RBPJ: variants seen among roughly 807,000 people sequenced by gnomAD.
The protein encoded by RBPJ is recombining binding protein suppressor of hairless.
In RBPJ, 9 loss-of-function variants were observed where a neutral mutation model predicts 67.8. The ratio of observed to expected loss-of-function variants is 0.13; its 90% CI spans 0.08 to 0.23. The LOEUF (loss-of-function observed/expected upper bound fraction) is 0.23. Ranked by LOEUF, RBPJ falls within the 10% of genes least tolerant of loss-of-function variation. RBPJ has a pLI of 1.00. For synonymous variants in RBPJ, 198 were observed against 203.3 expected, an observed-to-expected ratio of 0.97 and a Z score of 0.22; for missense variants, 305 against 595.6, an observed-to-expected ratio of 0.51 and a Z score of 5.08.
chr4:26,142,554 A>G, the RBPJ span, among the ~76,000 whole-genome samples: 5 of 152,232 alleles, frequency 3.3e-5, no homozygotes, highest in African/African-American at 9.6e-5. Context: ...GAAGGAATCT[A>G]AATTGCAAAG....
At chr4:26,199,529 A>C (rs1717907118) in intron 1 of RBPJ, among the ~76,000 whole-genome samples, 1 of 152,234 alleles carries the variant, frequency 6.6e-6, no homozygotes, top group African/African-American at 2.4e-5. Context: ...CTGTGGGGCA[A>C]TTCTTCGAGG....
At chr4:26,393,296 C>T (rs1029784161) in intron 2 of RBPJ, among the ~76,000 whole-genome samples, 3 of 152,102 alleles carry the variant, frequency 2.0e-5, no homozygotes, top group Admixed American at 6.5e-5. Context: ...TCTGTGATAA[C>T]ATTTTATTTT....
chr4:26,428,889 A>T, intron 8 of RBPJ, 29 bp downstream of exon 8: 1 of 1,560,204 alleles, frequency 6.4e-7, no homozygotes, highest in Non-Finnish European at 8.8e-7. Context: ...GGTGAAATCT[A>T]AAATGTACAA....
chr4:26,336,750 C>G (rs1724875965), intron 1 of RBPJ, among the ~76,000 whole-genome samples: 1 of 151,562 alleles, frequency 6.6e-6, no homozygotes, highest in Admixed American at 6.6e-5. Flanking sequence ...CTTTAAAACA[C>G]TGTATATGTA....
chr4:26,237,782 G>A (rs145665717), intron 1 of RBPJ, among the ~76,000 whole-genome samples: 10 of 152,276 alleles, frequency 6.6e-5, no homozygotes. Flanking sequence ...AAGATACCTA[G>A]CCTGGTGTTT....
At chr4:26,392,981 T>G (rs773549928) in intron 2 of RBPJ, among the ~76,000 whole-genome samples, 2 of 152,154 alleles carry the variant, frequency 1.3e-5, no homozygotes, top group Non-Finnish European at 2.9e-5. Context: ...TCACCCAGGC[T>G]AGAGTACAGG....
At chr4:26,106,207 C>T in the RBPJ span, among the ~76,000 whole-genome samples, 1 of 152,176 alleles carries the variant, frequency 6.6e-6, no homozygotes, top group South Asian at 2.1e-4. Flanking sequence ...GTGTGTCTGC[C>T]TGTACAGCAG....
the RBPJ span, among the ~76,000 whole-genome samples, chr4:26,143,417 C>T: frequency 7.9e-5 from 12 of 152,348 alleles, no homozygotes; most frequent in African/African-American, 2.9e-4. Flanking sequence ...CAATGAATGA[C>T]TTCCAGGGCC....
intron 1 of RBPJ, among the ~76,000 whole-genome samples, chr4:26,283,345 G>A (rs1355099913): frequency 6.6e-6 from 1 of 151,806 alleles, no homozygotes; most frequent in Non-Finnish European, 1.5e-5. Flanking sequence ...AGGAGTTCAA[G>A]GCCAGCCTGG....
In RBPJ at chr4:26,207,244, C is replaced by T. The variant is rs112806203; in HGVS notation, c.-167+43630C>T. On this transcript the variant is annotated intron_variant, in intron 1 of 4. Transcript: ENST00000512351. ...TATATCCACTTCTGGGAGCTGTTGT[C>T]AGCAATGAGCAAGCCGGGTTTAGGA... is the stretch of plus-strand genomic sequence containing the variant. Among the ~76,000 whole-genome samples, 1,513 of 152,178 alleles carry T rather than the reference C, an allele frequency of 9.9e-3. 22 individuals carry two copies. Among genetic ancestry groups the T allele is most frequent in the African/African-American group, 0.034 (1,428 of 41,504 alleles).
chr4:26,422,075 G>A (rs1180843691), intron 5 of RBPJ, among the ~76,000 whole-genome samples: 1 of 152,008 alleles, frequency 6.6e-6, no homozygotes, highest in Non-Finnish European at 1.5e-5. Flanking sequence ...CCATATTCTG[G>A]GTTTGGCTGA....
intron 3 of RBPJ, among the ~76,000 whole-genome samples, chr4:26,409,745 G>T (rs1020616849): frequency 6.6e-6 from 1 of 152,062 alleles, no homozygotes; most frequent in African/African-American, 2.4e-5. Context: ...TGATCTGCCC[G>T]CCTCTGCCTC....
At chr4:26,257,366 A>G (rs1720375220) in intron 1 of RBPJ, among the ~76,000 whole-genome samples, 1 of 152,266 alleles carries the variant, frequency 6.6e-6, no homozygotes, top group Non-Finnish European at 1.5e-5. Flanking sequence ...ACGGCGGCTC[A>G]TGCCTGTAAT....
chr4:26,170,334 A>T (rs901446523), intron 1 of RBPJ, among the ~76,000 whole-genome samples: 1 of 152,130 alleles, frequency 6.6e-6, no homozygotes, highest in African/African-American at 2.4e-5. Context: ...TGAGGCCAGA[A>T]ATTTGATACC....
chr4:26,417,054 A>G (rs573356370), intron 4 of RBPJ, among the ~76,000 whole-genome samples: 1 of 152,316 alleles, frequency 6.6e-6, no homozygotes, highest in African/African-American at 2.4e-5. Flanking sequence ...AATAGATCTT[A>G]AGTCTTGTCT....
the RBPJ span, among the ~76,000 whole-genome samples, chr4:26,123,487 G>A: frequency 6.6e-6 from 1 of 151,848 alleles, no homozygotes; most frequent in African/African-American, 2.4e-5. Flanking sequence ...TGTACACTTA[G>A]GCTACACTAA....
intron 2 of RBPJ, among the ~76,000 whole-genome samples, chr4:26,393,734 G>C (rs193102722): frequency 1.6e-4 from 24 of 151,798 alleles, no homozygotes; most frequent in Middle Eastern, 3.4e-3. Context: ...GAATATTCAA[G>C]TTAGGAAAAT....
chr4:26,218,351 C>G (rs892834951), intron 1 of RBPJ, among the ~76,000 whole-genome samples: 2 of 152,312 alleles, frequency 1.3e-5, no homozygotes, highest in Non-Finnish European at 2.9e-5. Flanking sequence ...CATTCCAGAA[C>G]CGTGGCCGCC....
chr4:26,132,575 T>G, the RBPJ span, among the ~76,000 whole-genome samples: 1 of 152,034 alleles, frequency 6.6e-6, no homozygotes. Flanking sequence ...CCACCTGCCC[T>G]CCCGCTGCAC....
Sources: gnomAD v4.1 joint callset for allele counts (sites outside exome capture counted in the v4.1 genomes callset) on GRCh38, gnomAD v4.1.1 for gene constraint, MANE v1.5 for transcripts, NCBI Gene and HGNC (gene_info 2026-07-23, HGNC 2026-07-21) for gene names.